Variants in MYO3B observed in about 807,000 individuals in gnomAD.
MYO3B encodes the protein myosin IIIB.
MYO3B carries 156 observed loss-of-function variants against 174.6 expected under a neutral mutation model. The observed-to-expected ratio is 0.89, with a 90% CI of 0.78 to 1.02. The LOEUF is 1.02. Ranked by LOEUF, MYO3B falls within the 50% of genes least tolerant of loss-of-function variation. MYO3B has a pLI of 0.00. For synonymous variants in MYO3B, 563 were observed against 569.1 expected (o/e 0.99, Z 0.15); for missense variants, 1,632 against 1,639.4 (o/e 1.00, Z 0.08).
At chr2:170,277,905 A>AT (rs1229590387) in intron 7 of MYO3B, among the ~76,000 whole-genome samples, 1 of 152,214 alleles carries the variant, frequency 6.6e-6, no homozygotes, top group African/African-American at 2.4e-5. Flanking sequence ...ACATTTTCTG[A>AT]TATATCTGAA....
chr2:170,309,066 G>T (rs17496902), intron 7 of MYO3B, among the ~76,000 whole-genome samples: 4,873 of 152,260 alleles, frequency 0.032, 96 homozygotes, highest in Middle Eastern at 0.12. Flanking sequence ...TAGAGCACTG[G>T]ATGATCTCAA....
At chr2:170,250,743 A>T (rs9287936) in intron 7 of MYO3B, among the ~76,000 whole-genome samples, 1,718 of 152,124 alleles carry the variant, frequency 0.011, 36 homozygotes, top group African/African-American at 0.039. Context: ...GTGGGGTTTT[A>T]TTGGGTGGTG....
intron 25 of MYO3B, among the ~76,000 whole-genome samples, chr2:170,470,520 A>G (rs1684923593): frequency 1.3e-5 from 2 of 151,976 alleles, no homozygotes; most frequent in Admixed American, 6.5e-5. Context: ...GAACTTTTGC[A>G]TTGTTTCCAC....
intron 1 of MYO3B, among the ~76,000 whole-genome samples, chr2:170,197,568 T>G (rs1462498571): frequency 6.6e-6 from 1 of 152,212 alleles, no homozygotes; most frequent in Non-Finnish European, 1.5e-5. Flanking sequence ...TATTTTGATT[T>G]GTTTGCTGGA....
rs903175102 is a variant in MYO3B at position 170,510,100 on chromosome 2, G to A, written c.3371-4821G>A. Reference sequence around the variant, plus strand: ...CAGTTGAGATGTACAAGTAACTAGAGCCTGCTAATTTCATAGACTTTGAGC... The same window carrying A: ...CAGTTGAGATGTACAAGTAACTAGAACCTGCTAATTTCATAGACTTTGAGC... On this transcript the variant is annotated intron_variant, in intron 28 of 34. Transcript: ENST00000408978. Among the ~76,000 whole-genome samples, 27 of 152,274 alleles carry A rather than the reference G, an allele frequency of 1.8e-4. No individual in the cohort carries two copies. The East Asian group carries it at 4.8e-3, about 27-fold the overall frequency.
intron 22 of MYO3B, among the ~76,000 whole-genome samples, chr2:170,432,963 G>A (rs1305417032): frequency 6.6e-6 from 1 of 152,120 alleles, no homozygotes; most frequent in Non-Finnish European, 1.5e-5. Flanking sequence ...GTACACTAAT[G>A]TACTAATGTA....
chr2:170,570,523 G>T (rs1363037794), intron 32 of MYO3B, among the ~76,000 whole-genome samples: 1 of 152,172 alleles, frequency 6.6e-6, no homozygotes, highest in Non-Finnish European at 1.5e-5. Flanking sequence ...AAAGTTTGGA[G>T]CCAAGATGCA....
chr2:170,330,584 A>C (rs1315423428), intron 7 of MYO3B, among the ~76,000 whole-genome samples: 1 of 152,194 alleles, frequency 6.6e-6, no homozygotes, highest in Non-Finnish European at 1.5e-5. Flanking sequence ...GATAGTAAGC[A>C]CTCAACATAT....
chr2:170,463,698 C>CT (rs1185934717), intron 24 of MYO3B, among the ~76,000 whole-genome samples: 1 of 150,492 alleles, frequency 6.6e-6, no homozygotes, highest in African/African-American at 2.4e-5. Flanking sequence ...ACTTTTCTAG[C>CT]ATACTGAATA....
intron 22 of MYO3B, among the ~76,000 whole-genome samples, chr2:170,429,154 G>C (rs1400453888): frequency 6.6e-6 from 1 of 152,160 alleles, no homozygotes; most frequent in Non-Finnish European, 1.5e-5. Context: ...AAATCTTCTA[G>C]GGAGGGATTT....
intron 7 of MYO3B, among the ~76,000 whole-genome samples, chr2:170,324,938 C>T (rs1049215227): frequency 6.6e-6 from 1 of 152,112 alleles, no homozygotes; most frequent in African/African-American, 2.4e-5. Flanking sequence ...GGCACCCCAG[C>T]AGGTGGTCTT....
intron 32 of MYO3B, among the ~76,000 whole-genome samples, chr2:170,558,927 A>G (rs1421325260): frequency 6.6e-6 from 1 of 152,234 alleles, no homozygotes; most frequent in Non-Finnish European, 1.5e-5. Context: ...TAGGGTATAG[A>G]TGTAAGGTGC....
chr2:170,271,686 C>T (rs1270489797), intron 7 of MYO3B, among the ~76,000 whole-genome samples: 1 of 152,158 alleles, frequency 6.6e-6, no homozygotes, highest in Non-Finnish European at 1.5e-5. Context: ...CTTGTGAAGG[C>T]ATGTATCAGT....
chr2:170,358,734 G>C (rs1036565275), intron 8 of MYO3B, among the ~76,000 whole-genome samples: 2 of 152,176 alleles, frequency 1.3e-5, no homozygotes, highest in Non-Finnish European at 1.5e-5. Context: ...ATTTTGAGCA[G>C]AATCTACAGA....
rs531318084 is a variant in MYO3B at position 170,618,794 on chromosome 2, A to ATTCT, written c.3734-32832_3734-32831insCTTT. On this transcript the variant is annotated intron_variant, in intron 32 of 34. Transcript: ENST00000408978. The stretch of plus-strand genomic sequence containing the variant: ...GAGATGGTCACATGGGGATGAAGTA[A>ATTCT]TTAACATAACATTTGTATGTAGAAG... Among the ~76,000 whole-genome samples the ATTCT allele has an allele frequency of 1.6e-4, 25 of 152,238 alleles. No homozygotes were observed. The South Asian group carries it at 4.8e-3, about 29-fold the overall frequency.
chr2:170,310,665 C>CAAAAAAAAAAAAA (rs746315736), intron 7 of MYO3B, among the ~76,000 whole-genome samples: 10 of 61,434 alleles, frequency 1.6e-4, no homozygotes, highest in Admixed American at 2.5e-4. Flanking sequence ...GACTCCATCT[C>CAAAAAAAAAAAAA]AAAAAAAAAA....
At chr2:170,555,520 A>G (rs899361949) in intron 32 of MYO3B, among the ~76,000 whole-genome samples, 10 of 152,080 alleles carry the variant, frequency 6.6e-5, no homozygotes, top group African/African-American at 2.2e-4. Flanking sequence ...AGAATGTCAT[A>G]TAGTTGGAAT....
intron 25 of MYO3B, among the ~76,000 whole-genome samples, chr2:170,497,231 T>G (rs1473752858): frequency 6.7e-6 from 1 of 149,988 alleles, no homozygotes; most frequent in Non-Finnish European, 1.5e-5. Flanking sequence ...CTTGCTAAAT[T>G]TCCTCAGTTA....
intron 30 of MYO3B, among the ~76,000 whole-genome samples, chr2:170,534,913 C>T (rs1490139498): frequency 6.6e-6 from 1 of 151,938 alleles, no homozygotes; most frequent in East Asian, 1.9e-4. Flanking sequence ...TGTTTTTTGC[C>T]CTTTAAGGAC....
Sources: gnomAD v4.1 joint callset for allele counts (sites outside exome capture counted in the v4.1 genomes callset) on GRCh38, gnomAD v4.1.1 for gene constraint, MANE v1.5 for transcripts, NCBI Gene and HGNC (gene_info 2026-07-23, HGNC 2026-07-21) for gene names.